The following OSBPL8 variants were observed in gnomAD, a reference collection of about 807,000 sequenced individuals.
The protein encoded by OSBPL8 is oxysterol binding protein like 8.
A neutral mutation model predicts 125.5 loss-of-function variants in OSBPL8; 59 were observed. The observed-to-expected ratio is 0.47, with a 90% CI of 0.38 to 0.58. OSBPL8 has a LOEUF of 0.58. Ranked by LOEUF, OSBPL8 falls within the 20% of genes least tolerant of loss-of-function variation. The pLI is 0.00. For missense variants in OSBPL8, 758 were observed against 1,047.8 expected (o/e 0.72, Z 3.82); for synonymous variants, 330 against 338.9 (o/e 0.97, Z 0.29).
Position 76,520,414 on chromosome 12 carries a change from C to T in OSBPL8, c.-67-32796G>A, listed in dbSNP as rs1325397166. On this transcript the variant is annotated intron_variant, in intron 1 of 23. Transcript: ENST00000261183. The stretch of plus-strand genomic sequence containing the variant: ...AGGCTCCATAAGGAAAATCAGTTTA[C>T]ACAAATTAATGTGAGCCTGGTATGG... Among the ~76,000 whole-genome samples the T allele has an allele frequency of 2.6e-5, 4 of 152,252 alleles. No individual in the cohort carries two copies. In the East Asian group the frequency reaches 7.7e-4, roughly 29 times the overall value.
intron 5 of OSBPL8, among the ~76,000 whole-genome samples, chr12:76,404,274 C>T (rs1166510440): frequency 6.6e-6 from 1 of 152,090 alleles, no homozygotes; most frequent in Non-Finnish European, 1.5e-5. Context: ...AATATGATGG[C>T]TTAAAATTAT....
intron 2 of OSBPL8, among the ~76,000 whole-genome samples, chr12:76,481,801 C>G (rs1020963564): frequency 1.3e-5 from 2 of 152,294 alleles, no homozygotes; most frequent in East Asian, 3.9e-4. Flanking sequence ...CAAAATAATA[C>G]TTGCTGTAGC....
chr12:76,536,885 G>A (rs951580231), intron 1 of OSBPL8: 1 of 150,362 alleles, frequency 6.7e-6, no homozygotes, highest in Non-Finnish European at 1.5e-5. Context: ...GTTACAGTAG[G>A]ACCCAGAAAT....
intron 11 of OSBPL8, 150 bp from the exon 12 acceptor site, chr12:76,389,979 A>G: frequency 1.7e-6 from 1 of 577,760 alleles, no homozygotes. Context: ...TAAAATCTAT[A>G]GCTATAAAAC....
intron 4 of OSBPL8, among the ~76,000 whole-genome samples, chr12:76,426,623 G>T (rs888461706): frequency 3.3e-5 from 5 of 152,076 alleles, no homozygotes; most frequent in Non-Finnish European, 1.5e-5. Context: ...TCTAAACCTG[G>T]TATGCTGGGT....
chr12:76,523,639 CCT>C (rs1381565056), intron 1 of OSBPL8, among the ~76,000 whole-genome samples: 1 of 152,106 alleles, frequency 6.6e-6, no homozygotes, highest in Non-Finnish European at 1.5e-5. Flanking sequence ...GCTTGCTTCC[CCT>C]CTGTTTCCAC....
At chr12:76,517,937 T>C (rs1275510646) in intron 1 of OSBPL8, among the ~76,000 whole-genome samples, 5 of 152,156 alleles carry the variant, frequency 3.3e-5, no homozygotes, top group South Asian at 2.1e-4. Context: ...ACTGCCAACA[T>C]TGGAGATCAC....
intron 1 of OSBPL8, among the ~76,000 whole-genome samples, chr12:76,524,109 C>T (rs1950097912): frequency 6.6e-6 from 1 of 152,020 alleles, no homozygotes; most frequent in Non-Finnish European, 1.5e-5. Flanking sequence ...AAAAATGGCA[C>T]TAAGATGAAT....
chr12:76,423,701 C>T lies in OSBPL8; in HGVS notation c.218-13067G>A, dbSNP rs939360992. 1.4e-4 allele frequency among the ~76,000 whole-genome samples: 22 copies of T among 152,164 alleles called. 1 individual carries two copies. Among genetic ancestry groups the T allele is most frequent in the Admixed American group, 1.4e-3 (22 of 15,274 alleles). ...CTAAAATCCATATACCTTACCCTACCTTAATTCAGATTTAAAAGCTCTAGT... is the reference window on the plus strand; with the variant it reads ...CTAAAATCCATATACCTTACCCTACTTTAATTCAGATTTAAAAGCTCTAGT... On this transcript the variant is annotated intron_variant, in intron 4 of 23. Coordinates refer to ENST00000261183, the MANE Select transcript of OSBPL8 (RefSeq NM_020841.5).
At chr12:76,544,348 A>T (rs1439774996) in intron 1 of OSBPL8, among the ~76,000 whole-genome samples, 2 of 152,170 alleles carry the variant, frequency 1.3e-5, no homozygotes, top group African/African-American at 4.8e-5. Context: ...CCAAATACCA[A>T]ATCCATTCTC....
At chr12:76,517,272 G>C (rs1881637522) in intron 1 of OSBPL8, among the ~76,000 whole-genome samples, 1 of 151,954 alleles carries the variant, frequency 6.6e-6, no homozygotes, top group South Asian at 2.1e-4. Flanking sequence ...AGAGGTGGGG[G>C]GTGTGGAGGT....
chr12:76,408,165 A>G (rs1954351467), intron 5 of OSBPL8, among the ~76,000 whole-genome samples: 1 of 150,254 alleles, frequency 6.7e-6, no homozygotes, highest in African/African-American at 2.4e-5. Flanking sequence ...AAAAAAAAAA[A>G]AGGTAGCTAT....
At chr12:76,431,361 A>G (rs1870803240) in intron 4 of OSBPL8, among the ~76,000 whole-genome samples, 1 of 152,080 alleles carries the variant, frequency 6.6e-6, no homozygotes, top group Admixed American at 6.5e-5. Flanking sequence ...GGAAGAAGAG[A>G]ACTACAAAAC....
Position 76,392,805 on chromosome 12 carries a change from C to A in OSBPL8, c.758-53G>T, listed in dbSNP as rs1442083835. On this transcript the variant is annotated intron_variant, in intron 9 of 23. Transcript: ENST00000261183. Reference sequence around the variant, plus strand: ...ATAATTTTTAAAACTATGAAACTAGCATGCATCTTAACTTACCCTGTTACC... The same window carrying A: ...ATAATTTTTAAAACTATGAAACTAGAATGCATCTTAACTTACCCTGTTACC... 2.7e-6 allele frequency: 4 copies of A among 1,505,104 alleles called. No individual in the cohort carries two copies. In the African/African-American group the frequency reaches 5.5e-5, roughly 21 times the overall value. 93.2% of individuals were successfully genotyped at this position (1,505,104 alleles called of 1,614,324 possible).
chr12:76,522,775 A>G (rs945482286), intron 1 of OSBPL8, among the ~76,000 whole-genome samples: 8 of 152,224 alleles, frequency 5.3e-5, no homozygotes, highest in Non-Finnish European at 8.8e-5. Flanking sequence ...CAGAAACACA[A>G]AATGAACTAA....
chr12:76,531,035 G>A (rs563296966), intron 1 of OSBPL8, among the ~76,000 whole-genome samples: 10 of 152,188 alleles, frequency 6.6e-5, no homozygotes, highest in South Asian at 6.2e-4. Context: ...ACAACTGCCC[G>A]AGACTGGGTG....
chr12:76,375,677 A>G (rs950013453), intron 16 of OSBPL8, among the ~76,000 whole-genome samples: 7 of 151,918 alleles, frequency 4.6e-5, no homozygotes, highest in Admixed American at 4.6e-4. Context: ...GAGTCACCCA[A>G]TGCACACATT....
chr12:76,419,744 T>C (rs1869233456), intron 4 of OSBPL8, among the ~76,000 whole-genome samples: 1 of 152,196 alleles, frequency 6.6e-6, no homozygotes, highest in Non-Finnish European at 1.5e-5. Context: ...ACTAATGACA[T>C]TCAAACCTGG....
At chr12:76,464,645 T>C (rs1875174984) in intron 2 of OSBPL8, among the ~76,000 whole-genome samples, 1 of 152,184 alleles carries the variant, frequency 6.6e-6, no homozygotes, top group Non-Finnish European at 1.5e-5. Flanking sequence ...CAGTCTCAAA[T>C]AAACCACACT....
Sources: gnomAD v4.1 joint callset for allele counts (sites outside exome capture counted in the v4.1 genomes callset) on GRCh38, gnomAD v4.1.1 for gene constraint, MANE v1.5 for transcripts, NCBI Gene and HGNC (gene_info 2026-07-23, HGNC 2026-07-21) for gene names.